CRIM1: variants seen among roughly 807,000 people sequenced by gnomAD.
CRIM1 encodes cysteine rich transmembrane BMP regulator 1.
CRIM1 carries 32 observed loss-of-function variants against 116.4 expected under a neutral mutation model. The observed-to-expected ratio is 0.27, with a 90% confidence interval of 0.21 to 0.37. The LOEUF is 0.37. CRIM1 is among the 10% of genes least tolerant of loss of function. The pLI, the probability that CRIM1 is intolerant of heterozygous loss-of-function variation, is 1.00. For synonymous variants in CRIM1, 590 were observed against 509.2 expected, an observed-to-expected ratio of 1.16 and a Z score of -2.13; for missense variants, 1,331 against 1,354.8, an observed-to-expected ratio of 0.98 and a Z score of 0.28.
intron 2 of CRIM1, among the ~76,000 whole-genome samples, chr2:36,410,772 T>C (rs1398212589): frequency 6.6e-6 from 1 of 152,176 alleles, no homozygotes; most frequent in Non-Finnish European, 1.5e-5. Context: ...CTCACAGACC[T>C]TTTATAAATA....
chr2:36,486,241 A>T (rs760668649), intron 7 of CRIM1, among the ~76,000 whole-genome samples: 2 of 152,322 alleles, frequency 1.3e-5, no homozygotes, highest in Non-Finnish European at 2.9e-5. Context: ...TACATGTTAG[A>T]TCCACCACTT....
At chr2:36,379,742 CTTTT>C (rs760969263) in intron 1 of CRIM1, among the ~76,000 whole-genome samples, 7 of 106,368 alleles carry the variant, frequency 6.6e-5, no homozygotes, top group East Asian at 6.2e-4. Context: ...TTCTTTCTCT[CTTTT>C]TTTTTTTTTT....
In CRIM1 at chr2:36,378,832, G is replaced by A. The variant is rs186737516; in HGVS notation, c.332-17782G>A. On this transcript the variant is annotated intron_variant, in intron 1 of 16. Coordinates refer to ENST00000280527, the MANE Select transcript of CRIM1 (RefSeq NM_016441.3). The stretch of plus-strand genomic sequence containing the variant: ...TTTTTTTTTTTTTTTTTTTTGAGAC[G>A]GAGTCTCACTCTGTCACCCAGGCTG... 8.4e-3 allele frequency: 1,140 copies of A among 135,754 alleles called. 7 individuals are homozygous for A. The highest frequency in any genetic ancestry group is 0.016 in the Middle Eastern group (4 of 246). 8.4% of individuals were successfully genotyped at this position (135,754 alleles called of 1,614,324 possible).
chr2:36,547,250 T>G, intron 16 of CRIM1, 79 bp downstream of exon 16: 1 of 1,215,304 alleles, frequency 8.2e-7, no homozygotes, highest in Non-Finnish European at 1.2e-6. Context: ...CTTGAAACCT[T>G]GTGTCTTAAC....
At chr2:36,544,548 T>C in intron 15 of CRIM1, 50 bp downstream of exon 15, 5 of 1,311,124 alleles carry the variant, frequency 3.8e-6, no homozygotes, top group Non-Finnish European at 3.9e-6. Context: ...GTGGTCTACT[T>C]AGGTGTTTTC....
At chr2:36,449,737 G>A (rs1221917747) in intron 4 of CRIM1, among the ~76,000 whole-genome samples, 1 of 152,142 alleles carries the variant, frequency 6.6e-6, no homozygotes, top group African/African-American at 2.4e-5. Flanking sequence ...GGAAACAAAG[G>A]TAAAGAAAAA....
chr2:36,391,997 C>T (rs893692344), intron 1 of CRIM1, among the ~76,000 whole-genome samples: 4 of 152,160 alleles, frequency 2.6e-5, no homozygotes, highest in Non-Finnish European at 4.4e-5. Flanking sequence ...AAGTTTATTA[C>T]ATTTCAGCCC....
chr2:36,479,154 T>A (rs1016825798), intron 6 of CRIM1, among the ~76,000 whole-genome samples: 8 of 152,330 alleles, frequency 5.3e-5, no homozygotes, highest in African/African-American at 1.4e-4. Flanking sequence ...TGCGAAGACA[T>A]TGTCAGAGCC....
intron 2 of CRIM1, among the ~76,000 whole-genome samples, chr2:36,428,698 A>C (rs1674644497): frequency 6.6e-6 from 1 of 152,242 alleles, no homozygotes; most frequent in Non-Finnish European, 1.5e-5. Flanking sequence ...GAGCTTTGGT[A>C]AGAAGTACAC....
intron 8 of CRIM1, among the ~76,000 whole-genome samples, chr2:36,502,277 C>G (rs1572881072): frequency 1.3e-5 from 2 of 152,142 alleles, no homozygotes; most frequent in East Asian, 1.9e-4. Context: ...TGTCCCTTGG[C>G]AAATAGTCAC....
intron 2 of CRIM1, among the ~76,000 whole-genome samples, chr2:36,403,815 G>A (rs748448682): frequency 7.9e-4 from 121 of 152,222 alleles, no homozygotes; most frequent in Non-Finnish European, 1.4e-3. Context: ...GGATGAGGTA[G>A]GTACTCTGTT....
In CRIM1 at chr2:36,512,267, AC is replaced by A; in HGVS notation, c.1659-3del. ...TCTGACCTCTGACAAAATTTTAATT[AC>A]CCAGGAAGAATAAGCACGGCTGTGA... On this transcript the variant is annotated splice_polypyrimidine_tract_variant and splice_region_variant and intron_variant, in intron 9 of 16. Coordinates refer to ENST00000280527, the MANE Select transcript of CRIM1 (RefSeq NM_016441.3). 1 of 1,610,580 alleles carries A rather than the reference AC, an allele frequency of 6.2e-7. No homozygotes were observed. Among genetic ancestry groups the A allele is most frequent in the Non-Finnish European group, 8.5e-7 (1 of 1,177,040 alleles).
At chr2:36,436,153 G>C (rs930860612) in intron 2 of CRIM1, among the ~76,000 whole-genome samples, 2 of 152,086 alleles carry the variant, frequency 1.3e-5, no homozygotes, top group Non-Finnish European at 2.9e-5. Flanking sequence ...AATAGAGACA[G>C]AGAAGAATAA....
At chr2:36,491,400 G>C (rs772234694) in intron 7 of CRIM1, among the ~76,000 whole-genome samples, 4 of 152,158 alleles carry the variant, frequency 2.6e-5, no homozygotes, top group Admixed American at 1.3e-4. Flanking sequence ...CTGGCTTTCT[G>C]CTTCAGTGGA....
At chr2:36,467,859 G>A (rs1435167804) in intron 5 of CRIM1, among the ~76,000 whole-genome samples, 1 of 152,190 alleles carries the variant, frequency 6.6e-6, no homozygotes, top group Non-Finnish European at 1.5e-5. Flanking sequence ...TGGGACAACT[G>A]TCTCTCTAAT....
chr2:36,424,567 T>C (rs1406690888), intron 2 of CRIM1, among the ~76,000 whole-genome samples: 2 of 152,294 alleles, frequency 1.3e-5, no homozygotes, highest in East Asian at 1.9e-4. Context: ...GTAGGACATA[T>C]GGGAGCATGG....
At chr2:36,433,240 C>T (rs926017933) in intron 2 of CRIM1, among the ~76,000 whole-genome samples, 1 of 150,426 alleles carries the variant, frequency 6.6e-6, no homozygotes, top group African/African-American at 2.4e-5. Context: ...TCCCAAGCTC[C>T]CAGGTGTTGC....
chr2:36,519,675 A>G (rs893216808), intron 12 of CRIM1, among the ~76,000 whole-genome samples: 6 of 152,166 alleles, frequency 3.9e-5, no homozygotes, highest in Non-Finnish European at 5.9e-5. Flanking sequence ...ATCCCTCATG[A>G]TGCTTCCATC....
intron 1 of CRIM1, among the ~76,000 whole-genome samples, chr2:36,371,882 C>A (rs368920009): frequency 7.2e-5 from 11 of 152,246 alleles, no homozygotes; most frequent in African/African-American, 2.6e-4. Context: ...ACTGATAAAT[C>A]GGTTATAAAT....
Sources: gnomAD v4.1 joint callset for allele counts (sites outside exome capture counted in the v4.1 genomes callset) on GRCh38, gnomAD v4.1.1 for gene constraint, MANE v1.5 for transcripts, NCBI Gene and HGNC (gene_info 2026-07-23, HGNC 2026-07-21) for gene names.